Variants in ABCA5 observed in about 807,000 individuals in gnomAD.
ABCA5 encodes ATP binding cassette subfamily A member 5, also known as cholesterol transporter ABCA5.
In ABCA5, 163 loss-of-function variants were observed where a neutral mutation model predicts 206.0. The ratio of observed to expected loss-of-function variants is 0.79; its 90% CI spans 0.70 to 0.90. ABCA5 has a LOEUF of 0.90. ABCA5 is among the 40% of genes least tolerant of loss of function. ABCA5 has a pLI of 0.00. For missense variants in ABCA5, 1,859 were observed against 1,912.9 expected (o/e 0.97, Z 0.53); for synonymous variants, 609 against 613.8 (o/e 0.99, Z 0.11).
In ABCA5 at chr17:69,248,556, C is replaced by T. The variant is rs1026392844; in HGVS notation, c.4766-239G>A. The T allele has an allele frequency of 5.8e-5, 17 of 291,666 alleles. No individual in the cohort carries two copies. In the East Asian group the frequency reaches 1.0e-3, roughly 17 times the overall value. 18.1% of individuals were successfully genotyped at this position (291,666 alleles called of 1,614,324 possible). ...TGTCTTATTTCACTTTTTCTAAGTT[C>T]TCCTCCATTATCTTTTTCCTGGTGA... On this transcript the variant is annotated intron_variant, in intron 37 of 38. Transcript: ENST00000392676.
chr17:69,308,179 G>T, intron 5 of ABCA5, 101 bp downstream of exon 5: 1 of 538,948 alleles, frequency 1.9e-6, no homozygotes, highest in Non-Finnish European at 3.1e-6. Context: ...TACATATTTT[G>T]TACATTTGAC....
intron 14 of ABCA5, among the ~76,000 whole-genome samples, chr17:69,288,074 C>T (rs1325085475): frequency 6.6e-6 from 1 of 152,108 alleles, no homozygotes; most frequent in African/African-American, 2.4e-5. Flanking sequence ...GTAGATGTAA[C>T]ACTTGCTTTT....
At chr17:69,298,381 G>A (rs2075615206) in intron 9 of ABCA5, among the ~76,000 whole-genome samples, 1 of 140,572 alleles carries the variant, frequency 7.1e-6, no homozygotes, top group Non-Finnish European at 1.6e-5. Flanking sequence ...AGTGGTAACT[G>A]CCCAGACAAC....
chr17:69,289,171 AT>A lies in ABCA5; in HGVS notation c.1902+5del. 1 of 1,595,300 alleles carries A rather than the reference AT, an allele frequency of 6.3e-7. No individual in the cohort carries two copies. The highest frequency in any genetic ancestry group is 8.5e-7 in the Non-Finnish European group (1 of 1,174,476). On this transcript the variant is annotated splice_donor_5th_base_variant and intron_variant, in intron 14 of 38. Transcript: ENST00000392676. ...GAGCTCATCTGTAAAAGTAATATTT[AT>A]TTACCTTTGGGTTCCCAAGAACAGC... is the stretch of plus-strand genomic sequence containing the variant.
chr17:69,282,489 G>A (rs924338988), intron 18 of ABCA5, among the ~76,000 whole-genome samples: 3 of 152,116 alleles, frequency 2.0e-5, no homozygotes, highest in Non-Finnish European at 2.9e-5. Flanking sequence ...TTCATGCCTC[G>A]GCCGGGCGCA....
chr17:69,308,874 A>G (rs960720170), intron 4 of ABCA5, among the ~76,000 whole-genome samples: 4 of 152,264 alleles, frequency 2.6e-5, no homozygotes, highest in Admixed American at 1.3e-4. Flanking sequence ...GTTGTTTCCC[A>G]TGTTTCAAAT....
intron 18 of ABCA5, among the ~76,000 whole-genome samples, chr17:69,281,305 G>C (rs1217404598): frequency 6.6e-6 from 1 of 151,320 alleles, no homozygotes; most frequent in African/African-American, 2.4e-5. Flanking sequence ...AAAGAAATCA[G>C]ATTATATAAT....
chr17:69,290,174 C>A, intron 12 of ABCA5, 137 bp from the exon 13 acceptor site: 1 of 545,056 alleles, frequency 1.8e-6, no homozygotes, highest in Non-Finnish European at 3.1e-6. Context: ...AGGCACAACA[C>A]ACCCTTCAAT....
In ABCA5 at chr17:69,297,372, C is replaced by T. The variant is rs145753016; in HGVS notation, c.1268-13G>A. The T allele has an allele frequency of 1.9e-6, 3 of 1,575,870 alleles. No individual in the cohort carries two copies. Among genetic ancestry groups the T allele is most frequent in the Non-Finnish European group, 2.6e-6 (3 of 1,168,364 alleles). Reference sequence around the variant, plus strand: ...AAGCCAAATTCCCCTGAAAAATAAACATTAAAAAACTGAGTTACCATAATT... The same window carrying T: ...AAGCCAAATTCCCCTGAAAAATAAATATTAAAAAACTGAGTTACCATAATT... On this transcript the variant is annotated splice_polypyrimidine_tract_variant and intron_variant, in intron 9 of 38. Transcript: ENST00000392676.
chr17:69,318,890 C>A, intron 1 of ABCA5: 1 of 695,100 alleles, frequency 1.4e-6, no homozygotes, highest in Non-Finnish European at 2.7e-6. Context: ...AACTAGTGGG[C>A]AACAGAACAA....
intron 18 of ABCA5, among the ~76,000 whole-genome samples, chr17:69,283,607 A>G (rs1446439843): frequency 6.6e-6 from 1 of 152,082 alleles, no homozygotes; most frequent in Non-Finnish European, 1.5e-5. Context: ...TTATCCCTCA[A>G]AGACATCCAA....
intron 7 of ABCA5, among the ~76,000 whole-genome samples, chr17:69,303,761 A>T (rs2075676857): frequency 1.3e-3 from 8 of 6,180 alleles, no homozygotes; most frequent in African/African-American, 1.7e-3. Context: ...CTCGACTCTA[A>T]AAAAAAAAAA....
At chr17:69,315,326 TA>T (rs2075805580) in intron 1 of ABCA5, 3 of 151,948 alleles carry the variant, frequency 2.0e-5, no homozygotes, top group Admixed American at 1.3e-4. Context: ...TTTTGAAAAA[TA>T]AACTAAAATG....
rs1355072473 is a variant in ABCA5 at position 69,289,172 on chromosome 17, T to G, written c.1902+5A>C. Reference sequence around the variant, plus strand: ...AGCTCATCTGTAAAAGTAATATTTATTTACCTTTGGGTTCCCAAGAACAGC... The same window carrying G: ...AGCTCATCTGTAAAAGTAATATTTAGTTACCTTTGGGTTCCCAAGAACAGC... On this transcript the variant is annotated splice_donor_5th_base_variant and intron_variant, in intron 14 of 38. Transcript: ENST00000392676. 6.3e-7 allele frequency: 1 copy of G among 1,595,702 alleles called. No individual in the cohort carries two copies. Among genetic ancestry groups the G allele is most frequent in the Admixed American group, 1.8e-5 (1 of 54,926 alleles).
Position 69,302,812 on chromosome 17 carries a change from C to A in ABCA5, c.1025G>T (p.Gly342Val). The A allele has an allele frequency of 1.3e-6, 2 of 1,598,138 alleles. No individual in the cohort carries two copies. The highest frequency in any genetic ancestry group is 1.1e-5 in the South Asian group (1 of 87,218). Residue 342 changes from glycine (G) to valine (V), a missense_variant, in exon 8 of 39, where the codon GGC becomes GTC. Physicochemically the swap from Gly to Val is moderately radical, Grantham distance 109 (BLOSUM62 -3). Transcript: ENST00000392676. ...FFVTVAFGFI[G>V]LMIILIESFP... ...ACTTTCTATGAGGATTATCATAAGG[C>A]CAATAAATCCAAAAGCCACAGTAAC...
chr17:69,296,714 C>T (rs1391385868), intron 10 of ABCA5, among the ~76,000 whole-genome samples: 1 of 152,172 alleles, frequency 6.6e-6, no homozygotes, highest in African/African-American at 2.4e-5. Flanking sequence ...CCTGTAATCC[C>T]AGCACTTTGG....
intron 23 of ABCA5, among the ~76,000 whole-genome samples, chr17:69,266,846 G>T (rs1180323952): frequency 1.3e-5 from 2 of 150,002 alleles, no homozygotes; most frequent in Non-Finnish European, 3.0e-5. Context: ...ATTTTTATTA[G>T]AATGTATTTA....
chr17:69,288,482 T>G (rs895282941), intron 14 of ABCA5, among the ~76,000 whole-genome samples: 1 of 152,172 alleles, frequency 6.6e-6, no homozygotes, highest in Non-Finnish European at 1.5e-5. Flanking sequence ...TTTTAAACTA[T>G]AGAGAACAAG....
intron 8 of ABCA5, among the ~76,000 whole-genome samples, chr17:69,302,172 A>G (rs1383510358): frequency 1.3e-5 from 2 of 152,284 alleles, no homozygotes; most frequent in East Asian, 1.9e-4. Flanking sequence ...GCCATTTCTT[A>G]TAAGACTTCT....
Sources: gnomAD v4.1 joint callset for allele counts (sites outside exome capture counted in the v4.1 genomes callset) on GRCh38, gnomAD v4.1.1 for gene constraint, MANE v1.5 for transcripts, NCBI Gene and HGNC (gene_info 2026-07-23, HGNC 2026-07-21) for gene names.